HYDIN: variants seen among roughly 807,000 people sequenced by gnomAD.
HYDIN encodes HYDIN axonemal central pair apparatus protein, also known as axonemal central pair apparatus protein HYDIN.
A neutral mutation model predicts 403.9 loss-of-function variants in HYDIN; 132 were observed. The ratio of observed to expected loss-of-function variants is 0.33; its 90% CI spans 0.28 to 0.38. The LOEUF is 0.38. HYDIN is among the 10% of genes least tolerant of loss of function. The probability of loss-of-function intolerance (pLI) is 1.00; values close to 1 mark genes in which losing one functional copy is unlikely to be tolerated. For synonymous variants in HYDIN, 1,202 were observed against 1,891.7 expected (o/e 0.64, Z 9.46); for missense variants, 2,827 against 5,009.5 (o/e 0.56, Z 13.15).
intron 55 of HYDIN, chr16:70,894,000 G>T (rs1346414175): frequency 6.6e-6 from 1 of 152,616 alleles, no homozygotes; most frequent in East Asian, 1.9e-4. Context: ...AGAGCTGGCA[G>T]AAGGCAGGAC....
At chr16:71,050,622 G>A (rs529371196) in intron 18 of HYDIN, among the ~76,000 whole-genome samples, 649 of 151,388 alleles carry the variant, frequency 4.3e-3, no homozygotes, top group African/African-American at 0.014. Flanking sequence ...TTTCTAGAAC[G>A]TCATACAATT....
intron 18 of HYDIN, among the ~76,000 whole-genome samples, chr16:71,051,769 G>A (rs1378093653): frequency 6.6e-5 from 10 of 152,148 alleles, no homozygotes; most frequent in Non-Finnish European, 1.3e-4. Context: ...CCTATCTAAT[G>A]CAATGAGTCA....
At chr16:71,195,644 C>T (rs952359655) in intron 1 of HYDIN, among the ~76,000 whole-genome samples, 34 of 152,180 alleles carry the variant, frequency 2.2e-4, no homozygotes, top group African/African-American at 7.5e-4. Flanking sequence ...CTTTTTAAAA[C>T]TGGATTATTT....
chr16:70,931,850 A>C (rs1173316405), intron 45 of HYDIN, among the ~76,000 whole-genome samples: 5 of 150,552 alleles, frequency 3.3e-5, no homozygotes, highest in Non-Finnish European at 5.9e-5. Flanking sequence ...TCCTGTCTCT[A>C]CAAAAAATAC....
At chr16:71,007,039 C>T (rs1428016534) in intron 23 of HYDIN, among the ~76,000 whole-genome samples, 1 of 131,512 alleles carries the variant, frequency 7.6e-6, no homozygotes, top group African/African-American at 2.8e-5. Context: ...TCCCTCTCTT[C>T]TCTTCTTCTT....
rs545187158 is a variant in HYDIN, at chr16:70,938,581, T to C, written c.6995+33A>G. ...CTCTGTGGGGACGGTCCCGGGGGAA[T>C]GGCTTCTGCTCTGGCCAGCCCTTGG... On this transcript the variant is annotated intron_variant, in intron 44 of 85. Transcript: ENST00000393567. The C allele has an allele frequency of 2.8e-5, 41 of 1,439,778 alleles. No individual in the cohort carries two copies. The African/African-American group carries it at 5.1e-4, about 18-fold the overall frequency. 89.2% of individuals were successfully genotyped at this position (1,439,778 alleles called of 1,614,324 possible). A position where few individuals can be genotyped will look rare whatever the true frequency, so the allele number is the denominator to read the frequency against.
chr16:70,940,874 G>A (rs757633933), intron 43 of HYDIN, among the ~76,000 whole-genome samples: 1 of 152,244 alleles, frequency 6.6e-6, no homozygotes, highest in Non-Finnish European at 1.5e-5. Flanking sequence ...GGCTGGAGCC[G>A]AAGCTCCTGG....
intron 73 of HYDIN, among the ~76,000 whole-genome samples, chr16:70,854,473 G>T (rs2038888458): frequency 6.6e-6 from 1 of 151,942 alleles, no homozygotes; most frequent in African/African-American, 2.4e-5. Context: ...AGAGTGCAGT[G>T]GTGCGATCTC....
In HYDIN at chr16:70,872,155, A is replaced by G. The variant is rs773805587; in HGVS notation, c.10973T>C (p.Phe3658Ser). Residue 3658 changes from phenylalanine (F) to serine (S), a missense_variant, in exon 65 of 86, where the codon TTT (phenylalanine) becomes TCT (serine). Coordinates refer to ENST00000393567, the MANE Select transcript of HYDIN (RefSeq NM_001270974.2). ...VAAALVDHIQFGDCHIGHSYN... is the reference protein window; with the variant it reads ...VAAALVDHIQSGDCHIGHSYN... ...GCTGTGTCCAATGTGGCAGTCCCCA[A>G]ATTGGATGTGGTCCACCAGAGCAGC... 1 of 1,503,804 alleles carries G rather than the reference A, an allele frequency of 6.6e-7. No homozygotes were observed. Among genetic ancestry groups the G allele is most frequent in the Non-Finnish European group, 9.0e-7 (1 of 1,107,918 alleles). The allele number at this position is 1,503,804 out of a possible 1,614,324, so 93.2% of individuals were successfully genotyped here. A position where few individuals can be genotyped will look rare whatever the true frequency, so the allele number is the denominator to read the frequency against.
chr16:71,056,736 G>A (rs2081911238), intron 18 of HYDIN, among the ~76,000 whole-genome samples: 5 of 152,254 alleles, frequency 3.3e-5, no homozygotes, highest in Admixed American at 3.3e-4. Flanking sequence ...TCCAGCACCT[G>A]AATTTGTAAT....
At chr16:71,065,224 T>G (rs908925311) in intron 15 of HYDIN, among the ~76,000 whole-genome samples, 46 of 152,308 alleles carry the variant, frequency 3.0e-4, no homozygotes, top group Non-Finnish European at 4.4e-4. Flanking sequence ...CTGTGACACT[T>G]TGGACCAGTC....
At chr16:71,209,516 G>C (rs2088476891) in intron 1 of HYDIN, among the ~76,000 whole-genome samples, 1 of 151,250 alleles carries the variant, frequency 6.6e-6, no homozygotes, top group Non-Finnish European at 1.5e-5. Context: ...ACCACTTCCA[G>C]TACTGGAAGT....
chr16:71,126,352 C>G (rs1204820884), intron 9 of HYDIN, among the ~76,000 whole-genome samples: 1 of 152,134 alleles, frequency 6.6e-6, no homozygotes, highest in Non-Finnish European at 1.5e-5. Context: ...AGAGGACTAT[C>G]CAGGGCTCAA....
chr16:70,823,648 T>C (rs1393705398), intron 83 of HYDIN, among the ~76,000 whole-genome samples: 1 of 152,184 alleles, frequency 6.6e-6, no homozygotes, highest in African/African-American at 2.4e-5. Flanking sequence ...AGTATTGCTA[T>C]TCCTTTAACA....
At chr16:70,809,722 T>C in intron 85 of HYDIN, 61 bp downstream of exon 85, 1 of 1,302,106 alleles carries the variant, frequency 7.7e-7, no homozygotes, top group Non-Finnish European at 1.1e-6. Flanking sequence ...TCTCCTCTCA[T>C]TGTTTTTGAA....
At chr16:71,022,770 G>A (rs917007) in intron 21 of HYDIN, among the ~76,000 whole-genome samples, 40,351 of 121,912 alleles carry the variant, frequency 0.33, 7,834 homozygotes, top group Middle Eastern at 0.44. Flanking sequence ...GTGGAAAAAA[G>A]TAAGCAGGGA....
intron 30 of HYDIN, among the ~76,000 whole-genome samples, chr16:70,978,705 C>T (rs1679401277): frequency 6.6e-6 from 1 of 152,218 alleles, no homozygotes; most frequent in Admixed American, 6.5e-5. Context: ...CTTGCCTCTC[C>T]TAGCTTCCTG....
At chr16:71,229,976 C>T (rs537956883) in intron 1 of HYDIN, among the ~76,000 whole-genome samples, 7 of 152,176 alleles carry the variant, frequency 4.6e-5, no homozygotes, top group Admixed American at 6.5e-5. Flanking sequence ...CTGAGTCTGA[C>T]GAGATTTGAT....
At chr16:71,225,333 G>T (rs1255064374) in intron 1 of HYDIN, among the ~76,000 whole-genome samples, 1 of 152,192 alleles carries the variant, frequency 6.6e-6, no homozygotes, top group Non-Finnish European at 1.5e-5. Context: ...CACTGAAAAA[G>T]AAACTAGCCC....
Sources: allele counts gnomAD v4.1 joint callset (sites outside exome capture counted in the v4.1 genomes callset), GRCh38; gene constraint gnomAD v4.1.1; transcripts MANE v1.5; gene names NCBI Gene and HGNC (gene_info 2026-07-23, HGNC 2026-07-21).